The following RUNX3 variants were observed in gnomAD, a reference collection of about 807,000 sequenced individuals.
RUNX3 encodes the protein runt-related transcription factor 3.
RUNX3 carries 10 observed loss-of-function variants against 27.7 expected under a neutral mutation model. The observed-to-expected ratio is 0.36, with a 90% CI of 0.22 to 0.61. The LOEUF is 0.61. RUNX3 is among the 20% of genes least tolerant of loss of function. The pLI is 0.72. For synonymous variants in RUNX3, 270 were observed against 269.2 expected, an observed-to-expected ratio of 1.00 and a Z score of -0.03; for missense variants, 469 against 629.5, an observed-to-expected ratio of 0.75 and a Z score of 2.73.
chr1:24,902,005 C>G lies in RUNX3; in HGVS notation c.*117G>C. 1 of 1,006,976 alleles carries G rather than the reference C, an allele frequency of 9.9e-7. No individual in the cohort carries two copies. Among genetic ancestry groups the G allele is most frequent in the Non-Finnish European group, 1.4e-6 (1 of 708,534 alleles). 62.4% of individuals were successfully genotyped at this position (1,006,976 alleles called of 1,614,324 possible). A position where few individuals can be genotyped will look rare whatever the true frequency, so the allele number is the denominator to read the frequency against. On this transcript the variant is annotated 3_prime_UTR_variant, in exon 5 of 5. Transcript: ENST00000308873. The surrounding 1 kb of genome is among the most constrained non-coding windows in gnomAD (Gnocchi z 9.2). ...CCCACCAGCTGGGACCACCCTGGGA[C>G]CGAGACCACCCTGGAGCGCAGGTCC...
At chr1:24,946,688 C>T (rs1641616560) in intron 2 of RUNX3, among the ~76,000 whole-genome samples, 1 of 152,120 alleles carries the variant, frequency 6.6e-6, no homozygotes, top group African/African-American at 2.4e-5. Context: ...CTGGTTCCTT[C>T]CTTAGGACAG....
At chr1:24,936,707 C>A (rs1220609879) in intron 2 of RUNX3, among the ~76,000 whole-genome samples, 1 of 152,238 alleles carries the variant, frequency 6.6e-6, no homozygotes, top group Non-Finnish European at 1.5e-5. Flanking sequence ...GCCCACCCAG[C>A]AGCTTCTGGG....
chr1:24,932,142 C>T (rs537807093), upstream of RUNX3, among the ~76,000 whole-genome samples: 4 of 152,368 alleles, frequency 2.6e-5, no homozygotes, highest in South Asian at 2.1e-4. Flanking sequence ...CGGTTTGCAC[C>T]GTGCCCTTTG....
chr1:24,950,730 C>T (rs1393073897), intron 2 of RUNX3, among the ~76,000 whole-genome samples: 1 of 152,120 alleles, frequency 6.6e-6, no homozygotes, highest in Admixed American at 6.5e-5. Context: ...GCCTGCCCCT[C>T]GCTCAGAAGA....
chr1:24,909,884 C>A (rs998750408), intron 3 of RUNX3, among the ~76,000 whole-genome samples: 2 of 152,200 alleles, frequency 1.3e-5, no homozygotes, highest in African/African-American at 4.8e-5. Context: ...GCAGGGTGGC[C>A]AGGCCCTCTT....
In RUNX3 at chr1:24,904,939, A is replaced by G. The variant is rs2124244367; in HGVS notation, c.704-2273T>C. ...CGAGTGGCCAATCCCAACAGTGGAA[A>G]GAAATGTTTATTTTCTTCTCCAGAT... On this transcript the variant is annotated intron_variant, in intron 4 of 4. Transcript: ENST00000308873. The surrounding 1 kb of genome is among the most constrained non-coding windows in gnomAD (Gnocchi z 5.7). Among the ~76,000 whole-genome samples the G allele has an allele frequency of 6.6e-6, 1 of 152,308 alleles. No individual in the cohort carries two copies. Among genetic ancestry groups the G allele is most frequent in the Admixed American group, 6.5e-5 (1 of 15,308 alleles).
intron 2 of RUNX3, among the ~76,000 whole-genome samples, chr1:24,920,220 T>C (rs1013568400): frequency 1.3e-5 from 2 of 152,208 alleles, no homozygotes; most frequent in Admixed American, 6.5e-5. Flanking sequence ...ACTACTTTTT[T>C]TTTTTTTTAC....
chr1:24,908,311 C>T (rs1018878637), intron 3 of RUNX3, among the ~76,000 whole-genome samples: 5 of 151,764 alleles, frequency 3.3e-5, no homozygotes, highest in Non-Finnish European at 5.9e-5. Flanking sequence ...ACCTCTACGA[C>T]ACACGGTGAT....
At chr1:24,920,997 GC>G (rs1204714112) in intron 2 of RUNX3, among the ~76,000 whole-genome samples, 2 of 152,094 alleles carry the variant, frequency 1.3e-5, no homozygotes, top group Admixed American at 1.3e-4. Context: ...CCCTATCCCT[GC>G]CTCTGGATCC....
At chr1:24,954,092 G>C (rs1235223157) in intron 2 of RUNX3, among the ~76,000 whole-genome samples, 3 of 152,214 alleles carry the variant, frequency 2.0e-5, no homozygotes, top group African/African-American at 7.2e-5. Context: ...TGATATTCTT[G>C]TTGAGGTTCT....
intron 2 of RUNX3, among the ~76,000 whole-genome samples, chr1:24,920,625 A>G (rs1425816531): frequency 6.6e-6 from 1 of 152,160 alleles, no homozygotes; most frequent in Non-Finnish European, 1.5e-5. Flanking sequence ...AAATTGCTAT[A>G]TATTAAGCTT....
intron 2 of RUNX3, among the ~76,000 whole-genome samples, chr1:24,941,286 G>A (rs1379089415): frequency 7.2e-5 from 11 of 152,130 alleles, no homozygotes; most frequent in Admixed American, 7.2e-4. Flanking sequence ...CACTTTACAG[G>A]CAAGGAAGTC....
chr1:24,924,109 G>A (rs1194715392), intron 2 of RUNX3, among the ~76,000 whole-genome samples: 2 of 152,174 alleles, frequency 1.3e-5, no homozygotes, highest in Non-Finnish European at 2.9e-5. Context: ...GCTCATGCCT[G>A]TAATCCCAAC....
intron 2 of RUNX3, among the ~76,000 whole-genome samples, chr1:24,952,886 G>T (rs571739535): frequency 6.6e-6 from 1 of 152,190 alleles, no homozygotes; most frequent in East Asian, 1.9e-4. Flanking sequence ...GACTGGAAAA[G>T]TAAAAATAGA....
chr1:24,950,950 G>A (rs1465999926), intron 2 of RUNX3, among the ~76,000 whole-genome samples: 4 of 152,134 alleles, frequency 2.6e-5, no homozygotes, highest in Non-Finnish European at 4.4e-5. Flanking sequence ...GCTCACGCCT[G>A]TAATCCTAGC....
At chr1:24,925,545 G>A (rs1170465934) in intron 2 of RUNX3, among the ~76,000 whole-genome samples, 1 of 152,206 alleles carries the variant, frequency 6.6e-6, no homozygotes, top group East Asian at 1.9e-4. Flanking sequence ...AGGAAACTGA[G>A]GCACAGAGTG....
chr1:24,901,785 A>C lies in RUNX3; in HGVS notation c.*337T>G. 1 of 285,946 alleles carries C rather than the reference A, an allele frequency of 3.5e-6. No homozygotes were observed. The highest frequency in any genetic ancestry group is 6.3e-5 in the East Asian group (1 of 15,782). 17.7% of individuals were successfully genotyped at this position (285,946 alleles called of 1,614,324 possible). On this transcript the variant is annotated 3_prime_UTR_variant, in exon 5 of 5. Coordinates refer to ENST00000308873, the MANE Select transcript of RUNX3 (RefSeq NM_004350.3). ...AGAGATGGCCTCTGTCCCAGGAGAC[A>C]TGGGTCCCATGCAGCACTGGGCATA...
intron 2 of RUNX3, among the ~76,000 whole-genome samples, chr1:24,919,751 C>T (rs1640960290): frequency 6.7e-6 from 1 of 148,630 alleles, no homozygotes. Flanking sequence ...GAAGAAAAGA[C>T]ACCCCCCCCC....
intron 2 of RUNX3, among the ~76,000 whole-genome samples, chr1:24,936,762 C>T (rs1641357797): frequency 6.6e-6 from 1 of 152,232 alleles, no homozygotes; most frequent in African/African-American, 2.4e-5. Context: ...CAAAAAGGTC[C>T]TGATGACTGT....
Sources: allele counts gnomAD v4.1 joint callset (sites outside exome capture counted in the v4.1 genomes callset), GRCh38; gene constraint gnomAD v4.1.1; non-coding constraint Gnocchi (gnomAD v3.1); transcripts MANE v1.5; gene names NCBI Gene and HGNC (gene_info 2026-07-23, HGNC 2026-07-21).